GRID1: variants seen among roughly 807,000 people sequenced by gnomAD.
The protein encoded by GRID1 is glutamate ionotropic receptor delta type subunit 1.
GRID1 carries 28 observed loss-of-function variants against 98.0 expected under a neutral mutation model. That is an observed-to-expected ratio of 0.29 (90% CI 0.21 to 0.39). The LOEUF (loss-of-function observed/expected upper bound fraction) is 0.39. Ranked by LOEUF, GRID1 falls within the 10% of genes least tolerant of loss-of-function variation. The probability of loss-of-function intolerance (pLI) is 1.00; values close to 1 mark genes in which losing one functional copy is unlikely to be tolerated. For missense variants in GRID1, 1,111 were observed against 1,340.5 expected, an observed-to-expected ratio of 0.83 and a Z score of 2.67; for synonymous variants, 553 against 538.5, an observed-to-expected ratio of 1.03 and a Z score of -0.37.
At chr10:86,016,946 G>A (rs1842988631) in intron 4 of GRID1, among the ~76,000 whole-genome samples, 1 of 152,320 alleles carries the variant, frequency 6.6e-6, no homozygotes, top group South Asian at 2.1e-4. Context: ...GTCTAGCATG[G>A]CCTAAGTCAT....
At chr10:86,288,222 G>A (rs1200740292) in intron 2 of GRID1, among the ~76,000 whole-genome samples, 1 of 152,192 alleles carries the variant, frequency 6.6e-6, no homozygotes, top group Non-Finnish European at 1.5e-5. Context: ...GTTCAGCAGC[G>A]AACACCAAGA....
chr10:85,779,859 C>G (rs897837496), intron 8 of GRID1, among the ~76,000 whole-genome samples: 1 of 152,136 alleles, frequency 6.6e-6, no homozygotes, highest in Non-Finnish European at 1.5e-5. Flanking sequence ...GTGCTTTCTA[C>G]GAAGGCACCA....
At chr10:85,972,762 A>C (rs1383770138) in intron 4 of GRID1, among the ~76,000 whole-genome samples, 1 of 152,124 alleles carries the variant, frequency 6.6e-6, no homozygotes, top group African/African-American at 2.4e-5. Context: ...AGGTTAGGAT[A>C]AATTTTAACA....
Position 86,115,111 on chromosome 10 carries a change from T to G in GRID1, c.726+23708A>C, listed in dbSNP as rs551978754. 3.3e-5 allele frequency among the ~76,000 whole-genome samples: 5 copies of G among 152,138 alleles called. No individual in the cohort carries two copies. The South Asian group carries it at 1.0e-3, about 32-fold the overall frequency. On this transcript the variant is annotated intron_variant, in intron 4 of 15. Coordinates refer to ENST00000327946, the MANE Select transcript of GRID1 (RefSeq NM_017551.3). ...ATGAAAGGTAACATACCTGGAGAGT[T>G]TGGGGAGATGGCGGCTTGTGAGAGA...
intron 2 of GRID1, among the ~76,000 whole-genome samples, chr10:86,348,494 C>T (rs981226551): frequency 1.3e-5 from 2 of 152,226 alleles, no homozygotes; most frequent in African/African-American, 4.8e-5. Flanking sequence ...AGAGGCCAGA[C>T]CACGAGGACT....
In GRID1 at chr10:86,041,287, G is replaced by A. The variant is rs1184919614; in HGVS notation, c.726+97532C>T. Among the ~76,000 whole-genome samples the A allele has an allele frequency of 5.3e-5, 8 of 152,178 alleles. No homozygotes were observed. In the East Asian group the frequency reaches 1.3e-3, roughly 26 times the overall value. ...GAGCCCTAGTGAGGCCTCCTGGAAGGCGTGAAGTCTTGCAAACACCACAAC... is the reference window on the plus strand; with the variant it reads ...GAGCCCTAGTGAGGCCTCCTGGAAGACGTGAAGTCTTGCAAACACCACAAC... On this transcript the variant is annotated intron_variant, in intron 4 of 15. Transcript: ENST00000327946.
intron 2 of GRID1, among the ~76,000 whole-genome samples, chr10:86,261,883 C>T (rs1362933699): frequency 6.6e-6 from 1 of 152,198 alleles, no homozygotes; most frequent in Non-Finnish European, 1.5e-5. Flanking sequence ...CAGAGCCTGG[C>T]ACAAGTATGT....
rs1020855090 is a variant in GRID1, at chr10:85,958,969, AAAAG to A, written c.727-42734_727-42731del. Among the ~76,000 whole-genome samples the A allele has an allele frequency of 6.4e-3, 968 of 151,120 alleles. 11 individuals are homozygous for A. The highest frequency in any genetic ancestry group is 0.02 in the African/African-American group (841 of 41,110). On this transcript the variant is annotated intron_variant, in intron 4 of 15. Coordinates refer to ENST00000327946, the MANE Select transcript of GRID1 (RefSeq NM_017551.3). The stretch of plus-strand genomic sequence containing the variant: ...TGAAACTCCGTCTCAAAAAAAAAAA[AAAAG>A]AAAGAAAGAAAGAAAGAAAAAGAAA...
rs750859826 is a variant in GRID1, at chr10:86,054,229, G to A, written c.726+84590C>T. 5.9e-5 allele frequency among the ~76,000 whole-genome samples: 9 copies of A among 152,066 alleles called. 1 individual carries two copies. The highest frequency in any genetic ancestry group is 3.2e-3 in the Middle Eastern group (1 of 316). On this transcript the variant is annotated intron_variant, in intron 4 of 15. Coordinates refer to ENST00000327946, the MANE Select transcript of GRID1 (RefSeq NM_017551.3). ...AGGACTCACAGGGAGGCAGAGAGCA[G>A]GCTTTTCTGTCTACTCGAGTTGGGG...
chr10:86,314,915 T>A (rs929320726), intron 2 of GRID1, among the ~76,000 whole-genome samples: 5 of 152,200 alleles, frequency 3.3e-5, no homozygotes, highest in Admixed American at 1.3e-4. Flanking sequence ...TTTGTGTTAG[T>A]CCATCCCATG....
intron 12 of GRID1, among the ~76,000 whole-genome samples, chr10:85,715,329 T>C (rs923902997): frequency 2.0e-5 from 3 of 152,178 alleles, no homozygotes; most frequent in Non-Finnish European, 2.9e-5. Context: ...CGTGATTTTT[T>C]GGATGTGACC....
In GRID1 at chr10:85,933,600, C is replaced by A. The variant is rs575468506; in HGVS notation, c.727-17361G>T. Among the ~76,000 whole-genome samples the A allele has an allele frequency of 2.0e-4, 30 of 152,286 alleles. No individual in the cohort carries two copies. In the South Asian group the frequency reaches 2.7e-3, roughly 14 times the overall value. Reference sequence around the variant, plus strand: ...TTCAGGCCCTGGAGGCTGTTTGGGGCTGTGTGTTCTTTGGAATCAAGCAGT... The same window carrying A: ...TTCAGGCCCTGGAGGCTGTTTGGGGATGTGTGTTCTTTGGAATCAAGCAGT... On this transcript the variant is annotated intron_variant, in intron 4 of 15. Coordinates refer to ENST00000327946, the MANE Select transcript of GRID1 (RefSeq NM_017551.3).
intron 12 of GRID1, among the ~76,000 whole-genome samples, chr10:85,662,150 G>A (rs1445469445): frequency 6.6e-6 from 1 of 152,216 alleles, no homozygotes; most frequent in Non-Finnish European, 1.5e-5. Flanking sequence ...CTCAGCAGAT[G>A]TTGCATCCTG....
At chr10:86,229,233 G>A (rs1031903154) in intron 2 of GRID1, among the ~76,000 whole-genome samples, 1 of 152,146 alleles carries the variant, frequency 6.6e-6, no homozygotes, top group African/African-American at 2.4e-5. Context: ...TCTCTAGCAA[G>A]TGCCTGGGGC....
chr10:86,298,140 C>G (rs894777826), intron 2 of GRID1, among the ~76,000 whole-genome samples: 1 of 152,176 alleles, frequency 6.6e-6, no homozygotes, highest in African/African-American at 2.4e-5. Context: ...AGAAAACAAT[C>G]TAAACCTCTA....
At chr10:86,123,347 G>C (rs1448322709) in intron 4 of GRID1, among the ~76,000 whole-genome samples, 1 of 152,224 alleles carries the variant, frequency 6.6e-6, no homozygotes, top group Non-Finnish European at 1.5e-5. Context: ...ATGGGATGTG[G>C]TGTGGGATGT....
chr10:85,912,392 G>T (rs1841551939), intron 5 of GRID1, among the ~76,000 whole-genome samples: 1 of 152,204 alleles, frequency 6.6e-6, no homozygotes, highest in African/African-American at 2.4e-5. Context: ...TCCTCTGCGT[G>T]CAATTATTTC....
At position 85,868,926 on chromosome 10, in the gene GRID1, G is replaced by T; in HGVS notation, c.951+84C>A. On this transcript the variant is annotated intron_variant, in intron 6 of 15. Transcript: ENST00000327946. ...TAGTAATTGAAGTTGGTGGCAATAG[G>T]AGGCCCCCACATGTCTCCCTTGGCC... is the stretch of plus-strand genomic sequence containing the variant. The T allele has an allele frequency of 1.1e-5, 12 of 1,127,866 alleles. No homozygotes were observed. The Admixed American group carries it at 2.3e-4, about 21-fold the overall frequency. The allele number at this position is 1,127,866 out of a possible 1,614,324, so 69.9% of individuals were successfully genotyped here. A position where few individuals can be genotyped will look rare whatever the true frequency, so the allele number is the denominator to read the frequency against.
At chr10:86,145,896 C>G (rs1564689486) in intron 3 of GRID1, among the ~76,000 whole-genome samples, 1 of 152,044 alleles carries the variant, frequency 6.6e-6, no homozygotes, top group Non-Finnish European at 1.5e-5. Context: ...AGCAGCCACA[C>G]GATGACCACG....
Sources: allele counts gnomAD v4.1 joint callset (sites outside exome capture counted in the v4.1 genomes callset), GRCh38; gene constraint gnomAD v4.1.1; transcripts MANE v1.5; gene names NCBI Gene and HGNC (gene_info 2026-07-23, HGNC 2026-07-21).